The following WNT7B variants were observed in gnomAD, a reference collection of about 807,000 sequenced individuals.
WNT7B encodes Wnt family member 7B.
WNT7B carries 19 observed loss-of-function variants against 38.2 expected under a neutral mutation model. The ratio of observed to expected loss-of-function variants is 0.50; its 90% confidence interval spans 0.35 to 0.73. The LOEUF (loss-of-function observed/expected upper bound fraction) is 0.73. Among genes scored for constraint, WNT7B ranks in the 30% least tolerant of loss-of-function variants. The pLI is 0.01. For synonymous variants in WNT7B, 243 were observed against 209.3 expected (o/e 1.16, Z -1.39); for missense variants, 423 against 507.9 (o/e 0.83, Z 1.61).
Position 45,951,530 on chromosome 22 carries a change from C to T in WNT7B, c.72-1384G>A, listed in dbSNP as rs1931932911. On this transcript the variant is annotated intron_variant, in intron 1 of 3. Coordinates refer to ENST00000339464, the MANE Select transcript of WNT7B (RefSeq NM_058238.3). The surrounding 1 kb of genome is among the most constrained non-coding windows in gnomAD (Gnocchi z 4.8). Reference sequence around the variant, plus strand: ...CTGCCACCCCAGAAGGAAACTGTACCCATCAGTCACTCCCCGTTCTCCCCT... The same window carrying T: ...CTGCCACCCCAGAAGGAAACTGTACTCATCAGTCACTCCCCGTTCTCCCCT... Among the ~76,000 whole-genome samples, 1 of 152,128 alleles carries T rather than the reference C, an allele frequency of 6.6e-6. No individual in the cohort carries two copies. The highest frequency in any genetic ancestry group is 1.5e-5 in the Non-Finnish European group (1 of 68,026).
rs370224093 is a variant in WNT7B, at chr22:45,922,839, C to G, written c.*17G>C. On this transcript the variant is annotated 3_prime_UTR_variant, in exon 4 of 4. Coordinates refer to ENST00000339464, the MANE Select transcript of WNT7B (RefSeq NM_058238.3). Reference sequence around the variant, plus strand: ...CGCCGGGTTCCAGGGTGCCCGCGGCCGCCTCCGGGCCTGGCCTCACTTGCA... The same window carrying G: ...CGCCGGGTTCCAGGGTGCCCGCGGCGGCCTCCGGGCCTGGCCTCACTTGCA... The G allele has an allele frequency of 1.3e-6, 2 of 1,580,820 alleles. No homozygotes were observed. The highest frequency in any genetic ancestry group is 2.3e-5 in the South Asian group (2 of 87,742).
chr22:45,961,313 A>T (rs1239811285), intron 1 of WNT7B, among the ~76,000 whole-genome samples: 1 of 152,110 alleles, frequency 6.6e-6, no homozygotes, highest in Non-Finnish European at 1.5e-5. Flanking sequence ...CAGTTTTCCC[A>T]TCTGAGAGCA....
At chr22:45,972,841 T>G (rs1470300471) in intron 1 of WNT7B, 1 of 152,444 alleles carries the variant, frequency 6.6e-6, no homozygotes, top group Admixed American at 6.5e-5. Context: ...CGGCAACGTA[T>G]GCGCGTGTGT....
intron 2 of WNT7B, among the ~76,000 whole-genome samples, chr22:45,937,559 G>A (rs1465972380): frequency 2.6e-5 from 4 of 151,732 alleles, no homozygotes; most frequent in Non-Finnish European, 5.9e-5. Flanking sequence ...TCCCTGGGCA[G>A]CAGGTGTGCA....
intron 3 of WNT7B, chr22:45,926,540 G>A (rs1398824492): frequency 1.0e-6 from 1 of 985,296 alleles, no homozygotes; most frequent in African/African-American, 1.7e-5. Context: ...TCCTTCCAGG[G>A]CGAGACTGAC....
intron 2 of WNT7B, among the ~76,000 whole-genome samples, chr22:45,939,739 T>A (rs1425653719): frequency 6.8e-6 from 1 of 147,834 alleles, no homozygotes; most frequent in Non-Finnish European, 1.5e-5. Context: ...GGCAGGAGAG[T>A]CACTTGGGCC....
chr22:45,931,433 C>A (rs996284548), intron 2 of WNT7B, 64 bp from the exon 3 acceptor site: 8 of 1,492,510 alleles, frequency 5.4e-6, no homozygotes, highest in African/African-American at 1.4e-5. Context: ...GCTCAGGGGA[C>A]AGGGTGCCGG....
In WNT7B at chr22:45,951,297, G is replaced by A. The variant is rs552381576; in HGVS notation, c.72-1151C>T. On this transcript the variant is annotated intron_variant, in intron 1 of 3. Transcript: ENST00000339464. The surrounding 1 kb of genome is among the most constrained non-coding windows in gnomAD (Gnocchi z 4.8). The stretch of plus-strand genomic sequence containing the variant: ...TCACTGTGTTGGCCAGGCTGGTCTC[G>A]AACTCCTGACCTCAGGTCATCTGCC... Among the ~76,000 whole-genome samples, 1 of 151,928 alleles carries A rather than the reference G, an allele frequency of 6.6e-6. No individual in the cohort carries two copies. The highest frequency in any genetic ancestry group is 2.4e-5 in the African/African-American group (1 of 41,338).
At chr22:45,940,566 G>A (rs1172662580) in intron 2 of WNT7B, among the ~76,000 whole-genome samples, 1 of 152,212 alleles carries the variant, frequency 6.6e-6, no homozygotes, top group African/African-American at 2.4e-5. Context: ...CAGGGGTGAG[G>A]CTCTCAGCCT....
At chr22:45,958,079 T>C (rs1932113743) in intron 1 of WNT7B, among the ~76,000 whole-genome samples, 1 of 152,238 alleles carries the variant, frequency 6.6e-6, no homozygotes, top group Non-Finnish European at 1.5e-5. Context: ...GCTCTGCCCG[T>C]GCCCAGCCTG....
intron 1 of WNT7B, among the ~76,000 whole-genome samples, chr22:45,952,953 C>T (rs547464678): frequency 5.3e-5 from 8 of 152,372 alleles, no homozygotes; most frequent in Admixed American, 3.3e-4. Context: ...CTGGTCCCTC[C>T]CCTGGCTGCT....
Position 45,931,255 on chromosome 22 carries a change from T to C in WNT7B, c.413A>G (p.Gln138Arg), listed in dbSNP as rs1931345808. 1 of 1,599,014 alleles carries C rather than the reference T, an allele frequency of 6.3e-7. No homozygotes were observed. Among genetic ancestry groups the C allele is most frequent in the South Asian group, 1.1e-5 (1 of 91,074 alleles). The change falls in exon 3 of 4, where the codon CAG becomes CGG. Residue 138 changes from glutamine (Q) to arginine (R), a missense_variant. Around this residue, in one of 3 missense-constraint regions of WNT7B, gnomAD observed 132 missense variants for 113.4 expected, o/e 1.16. Transcript: ENST00000339464. ...LSNCGCDREK[Q>R]GYYNQAEGWK... ...GCCCTCGGCTTGGTTGTAGTAGCCCTGCTTCTCGCGGTCGCAGCCGCAGTT... is the reference window on the plus strand; with the variant it reads ...GCCCTCGGCTTGGTTGTAGTAGCCCCGCTTCTCGCGGTCGCAGCCGCAGTT...
chr22:45,947,603 A>C (rs1186461255), intron 2 of WNT7B, among the ~76,000 whole-genome samples: 1 of 152,188 alleles, frequency 6.6e-6, no homozygotes, highest in African/African-American at 2.4e-5. Flanking sequence ...GCCAAGGTGC[A>C]CCTGGAGGAG....
intron 1 of WNT7B, among the ~76,000 whole-genome samples, chr22:45,968,060 C>T (rs1327988079): frequency 6.6e-6 from 1 of 152,150 alleles, no homozygotes; most frequent in Non-Finnish European, 1.5e-5. Context: ...TCCCATCGGC[C>T]CACCTCAGCA....
chr22:45,951,003 C>G lies in WNT7B; in HGVS notation c.72-857G>C, dbSNP rs1243336674. 6.6e-6 allele frequency among the ~76,000 whole-genome samples: 1 copy of G among 152,210 alleles called. No individual in the cohort carries two copies. Among genetic ancestry groups the G allele is most frequent in the Non-Finnish European group, 1.5e-5 (1 of 68,044 alleles). Reference sequence around the variant, plus strand: ...CCTAGCAACTCTCAGGACCTGAAGCCCTAGACAAGAACCCGCAGGTCACGC... The same window carrying G: ...CCTAGCAACTCTCAGGACCTGAAGCGCTAGACAAGAACCCGCAGGTCACGC... On this transcript the variant is annotated intron_variant, in intron 1 of 3. Coordinates refer to ENST00000339464, the MANE Select transcript of WNT7B (RefSeq NM_058238.3). This position sits in a 1 kb window ranked among gnomAD's most constrained non-coding sequence, Gnocchi z 4.8.
In WNT7B at chr22:45,975,065, G is replaced by A. The variant is rs892266496; in HGVS notation, c.71+1619C>T. Among the ~76,000 whole-genome samples, 1 of 152,156 alleles carries A rather than the reference G, an allele frequency of 6.6e-6. No individual in the cohort carries two copies. The highest frequency in any genetic ancestry group is 1.5e-5 in the Non-Finnish European group (1 of 68,018). ...TAGGAACAGCAGCCCACAGTGGGGG[G>A]TCAGAGCCAACTGCAGCCCCAGCTC... On this transcript the variant is annotated intron_variant, in intron 1 of 3. Coordinates refer to ENST00000339464, the MANE Select transcript of WNT7B (RefSeq NM_058238.3). This position sits in a 1 kb window ranked among gnomAD's most constrained non-coding sequence, Gnocchi z 6.6.
rs781610500 is a variant in WNT7B, at chr22:45,931,163, C to T, written c.505G>A (p.Ala169Thr). ...GIDFSRRFVD[A>T]REIKKNARRL... is the part of the protein sequence containing the mutation. Reference sequence around the variant, plus strand: ...CGCGCGTTCTTCTTGATCTCCCGAGCGTCCACGAAGCGCCGGGAGAAGTCG... The same window carrying T: ...CGCGCGTTCTTCTTGATCTCCCGAGTGTCCACGAAGCGCCGGGAGAAGTCG... The change falls in exon 3 of 4, where the codon GCT becomes ACT. Residue 169 changes from alanine to threonine, a missense_variant. This residue lies in a region of WNT7B where 132 missense variants were observed against 113.4 expected (regional missense o/e 1.16). Transcript: ENST00000339464. The T allele has an allele frequency of 5.0e-6, 8 of 1,599,382 alleles. No homozygotes were observed. The highest frequency in any genetic ancestry group is 2.2e-5 in the South Asian group (2 of 91,050).
intron 2 of WNT7B, among the ~76,000 whole-genome samples, chr22:45,931,656 A>T (rs957735565): frequency 2.0e-5 from 3 of 152,122 alleles, no homozygotes; most frequent in African/African-American, 7.2e-5. Context: ...TCCAGCATGC[A>T]GTGCTGCCGA....
chr22:45,927,322 A>T (rs1279203390), intron 3 of WNT7B: 16 of 985,256 alleles, frequency 1.6e-5, no homozygotes, highest in Non-Finnish European at 1.9e-5. Context: ...AGCTTGGGGA[A>T]GGGCAGCCAG....
Sources: gnomAD v4.1 joint callset for allele counts (sites outside exome capture counted in the v4.1 genomes callset) on GRCh38, gnomAD v4.1.1 for gene constraint, gnomAD v4.1.1 regional missense constraint, Gnocchi (gnomAD v3.1) non-coding constraint, MANE v1.5 for transcripts, NCBI Gene and HGNC (gene_info 2026-07-23, HGNC 2026-07-21) for gene names.